ASB18: variants seen among roughly 807,000 people sequenced by gnomAD.
ASB18 encodes the protein ankyrin repeat and SOCS box protein 18.
A neutral mutation model predicts 33.4 loss-of-function variants in ASB18; 33 were observed. The observed-to-expected ratio is 0.99, with a 90% CI of 0.75 to 1.32. The LOEUF is 1.32. ASB18 is among the 40% of genes most tolerant of loss of function. The pLI, the probability that ASB18 is intolerant of heterozygous loss-of-function variation, is 0.00. For missense variants in ASB18, 694 were observed against 655.5 expected (o/e 1.06, Z -0.64); for synonymous variants, 295 against 307.6 (o/e 0.96, Z 0.43).
intron 1 of ASB18, among the ~76,000 whole-genome samples, chr2:236,258,645 C>T (rs2060704053): frequency 6.6e-6 from 1 of 152,116 alleles, no homozygotes; most frequent in African/African-American, 2.4e-5. Context: ...GGGATATGGC[C>T]CATGTGTCAT....
In ASB18 at chr2:236,251,212, C is replaced by A. The variant is rs952462186; in HGVS notation, c.206-9810G>T. ...TTTTGGAAGCTCAGAAACAAAGATG[C>A]CCTTGAACACCGTGTATCCGCTGTG... On this transcript the variant is annotated intron_variant, in intron 1 of 5. Transcript: ENST00000409749. The surrounding 1 kb of genome is among the most constrained non-coding windows in gnomAD (Gnocchi z 5.3). Among the ~76,000 whole-genome samples the A allele has an allele frequency of 6.6e-6, 1 of 152,166 alleles. No individual in the cohort carries two copies. The highest frequency in any genetic ancestry group is 2.4e-5 in the African/African-American group (1 of 41,442).
Position 236,248,346 on chromosome 2 carries a change from A to G in ASB18, c.206-6944T>C, listed in dbSNP as rs111316729. ...GGTGGCTCATGCCTGTAATCCCAGC[A>G]CTTTAGGAGGCTGAGGCAGGTGGAT... On this transcript the variant is annotated intron_variant, in intron 1 of 5. Transcript: ENST00000409749. The surrounding 1 kb of genome is among the most constrained non-coding windows in gnomAD (Gnocchi z 4.9). The G allele has an allele frequency of 5.4e-3, 815 of 152,256 alleles. 7 individuals carry two copies. Among genetic ancestry groups the G allele is most frequent in the Non-Finnish European group, 7.9e-3 (538 of 68,044 alleles). The allele number at this position is 152,256 out of a possible 1,614,324, so 9.4% of individuals were successfully genotyped here.
chr2:236,225,860 G>A lies in ASB18; in HGVS notation c.597-10994C>T, dbSNP rs1401914948. Among the ~76,000 whole-genome samples, 2 of 151,936 alleles carry A rather than the reference G, an allele frequency of 1.3e-5. No individual in the cohort carries two copies. Among genetic ancestry groups the A allele is most frequent in the Non-Finnish European group, 2.9e-5 (2 of 68,022 alleles). The stretch of plus-strand genomic sequence containing the variant: ...GGTTTTAAAGTCCTGTGCCCATGGC[G>A]AATTGCCAACTAAAAGGGGATGGAG... On this transcript the variant is annotated intron_variant, in intron 3 of 5. Coordinates refer to ENST00000409749, the MANE Select transcript of ASB18 (RefSeq NM_212556.4). This position sits in a 1 kb window ranked among gnomAD's most constrained non-coding sequence, Gnocchi z 5.1.
At position 236,241,392 on chromosome 2, in the gene ASB18, G is replaced by A; in HGVS notation, c.216C>T (p.Asp72=). 4 of 1,613,970 alleles carry A rather than the reference G, an allele frequency of 2.5e-6. No homozygotes were observed. Among genetic ancestry groups the A allele is most frequent in the Non-Finnish European group, 3.4e-6 (4 of 1,179,880 alleles). Residue 72 remains aspartate, a synonymous_variant, in exon 2 of 6, where the codon GAC becomes GAT. Coordinates refer to ENST00000409749, the MANE Select transcript of ASB18 (RefSeq NM_212556.4). This position sits in a 1 kb window ranked among gnomAD's most constrained non-coding sequence, Gnocchi z 4.2. ...LPTGMLLGDL[D]HLKPLMDQFF... is the part of the protein sequence containing the mutation. ...ACTGGTCCATGAGGGGCTTCAGATG[G>A]TCGAGGTCCCCTGCGACCAGGGCAG... is the stretch of plus-strand genomic sequence containing the variant.
chr2:236,217,593 G>A lies in ASB18; in HGVS notation c.597-2727C>T, dbSNP rs898865578. On this transcript the variant is annotated intron_variant, in intron 3 of 5. Transcript: ENST00000409749. The surrounding 1 kb of genome is among the most constrained non-coding windows in gnomAD (Gnocchi z 5.2). The stretch of plus-strand genomic sequence containing the variant: ...TCTTTCAGCTTTTCTTTATATTGCC[G>A]CTGCTTTTCCTACTATATTAACCTA... Among the ~76,000 whole-genome samples the A allele has an allele frequency of 2.0e-5, 3 of 152,088 alleles. No individual in the cohort carries two copies. The highest frequency in any genetic ancestry group is 1.9e-4 in the East Asian group (1 of 5,156).
At position 236,237,918 on chromosome 2, in the gene ASB18, G is replaced by A; in HGVS notation, c.367C>T (p.Pro123Ser). The change falls in exon 3 of 6, where the codon CCC (proline) becomes TCC (serine). Residue 123 changes from proline (P) to serine (S), a missense_variant. Coordinates refer to ENST00000409749, the MANE Select transcript of ASB18 (RefSeq NM_212556.4). This position sits in a 1 kb window ranked among gnomAD's most constrained non-coding sequence, Gnocchi z 6.2. ...CCGTGGGCCGCGGCGATGCACAGGGGCGTGGTGAGCTCACGCTTGTACTCC... is the reference window on the plus strand; with the variant it reads ...CCGTGGGCCGCGGCGATGCACAGGGACGTGGTGAGCTCACGCTTGTACTCC... ...TLEYKRELTT[P>S]LCIAAAHGHT... 1.3e-6 allele frequency: 2 copies of A among 1,505,888 alleles called. No homozygotes were observed. Among genetic ancestry groups the A allele is most frequent in the Non-Finnish European group, 1.8e-6 (2 of 1,133,538 alleles). The allele number at this position is 1,505,888 out of a possible 1,614,324, so 93.3% of individuals were successfully genotyped here.
Position 236,215,818 on chromosome 2 carries a change from T to G in ASB18, c.597-952A>C, listed in dbSNP as rs1023372740. ...CCCCAACTTCAGCCACCTGCTCCCA[T>G]AGTCACCTGCCATCGATAAGGCCGC... On this transcript the variant is annotated intron_variant, in intron 3 of 5. Coordinates refer to ENST00000409749, the MANE Select transcript of ASB18 (RefSeq NM_212556.4). The surrounding 1 kb of genome is among the most constrained non-coding windows in gnomAD (Gnocchi z 7.2). 6.6e-6 allele frequency among the ~76,000 whole-genome samples: 1 copy of G among 152,126 alleles called. No homozygotes were observed. The highest frequency in any genetic ancestry group is 6.5e-5 in the Admixed American group (1 of 15,276).
chr2:236,197,370 T>C (rs2060379119), intron 4 of ASB18, among the ~76,000 whole-genome samples: 1 of 152,232 alleles, frequency 6.6e-6, no homozygotes, highest in Admixed American at 6.5e-5. Context: ...TGCTGTGATG[T>C]ATTTTTAGAT....
chr2:236,237,843 C>A lies in ASB18; in HGVS notation c.442G>T (p.Ala148Ser). Reference protein sequence around the residue: ...HLLGRGADPDASPGGRGALHE... With the variant: ...HLLGRGADPDSSPGGRGALHE... The stretch of plus-strand genomic sequence containing the variant: ...AGGGCGCCGCGGCCGCCGGGGCTGG[C>A]GTCTGGGTCTGCGCCGCGGCCGAGC... Residue 148 changes from alanine to serine, a missense_variant, in exon 3 of 6, where the codon GCC becomes TCC. Coordinates refer to ENST00000409749, the MANE Select transcript of ASB18 (RefSeq NM_212556.4). The surrounding 1 kb of genome is among the most constrained non-coding windows in gnomAD (Gnocchi z 6.2). 2 of 1,401,452 alleles carry A rather than the reference C, an allele frequency of 1.4e-6. No homozygotes were observed. Among genetic ancestry groups the A allele is most frequent in the South Asian group, 1.6e-5 (1 of 63,752 alleles). 86.8% of individuals were successfully genotyped at this position (1,401,452 alleles called of 1,614,324 possible). A position where few individuals can be genotyped will look rare whatever the true frequency, so the allele number is the denominator to read the frequency against.
At chr2:236,240,603 T>C (rs564919560) in intron 2 of ASB18, among the ~76,000 whole-genome samples, 4 of 152,002 alleles carry the variant, frequency 2.6e-5, no homozygotes, top group Non-Finnish European at 5.9e-5. Context: ...AGATGCAGCA[T>C]GGTGGTCAGC....
At position 236,202,810 on chromosome 2, in the gene ASB18, T is replaced by TAC. The variant is rs1245912837; in HGVS notation, c.1102-6426_1102-6425insGT. ...AAAAAAAAAAATATATATATATATA[T>TAC]ATATACACACACCTATAGTTCTCTA... On this transcript the variant is annotated intron_variant, in intron 4 of 5. Coordinates refer to ENST00000409749, the MANE Select transcript of ASB18 (RefSeq NM_212556.4). Among the ~76,000 whole-genome samples the TAC allele has an allele frequency of 3.4e-5, 4 of 117,564 alleles. 1 individual carries two copies. Among genetic ancestry groups the TAC allele is most frequent in the African/African-American group, 9.7e-5 (3 of 31,050 alleles). The allele number at this position is 117,564 out of a possible 152,430, so 77.1% of individuals were successfully genotyped here. A position where few individuals can be genotyped will look rare whatever the true frequency, so the allele number is the denominator to read the frequency against.
rs576252267 is a variant in ASB18 at position 236,220,702 on chromosome 2, A to G, written c.597-5836T>C. On this transcript the variant is annotated intron_variant, in intron 3 of 5. Coordinates refer to ENST00000409749, the MANE Select transcript of ASB18 (RefSeq NM_212556.4). The surrounding 1 kb of genome is among the most constrained non-coding windows in gnomAD (Gnocchi z 5.1). ...GGCAAAGCAGAGGTCTCGTTGCTTCATGAGGCTTCCCACTGTCAGTCACAC... is the reference window on the plus strand; with the variant it reads ...GGCAAAGCAGAGGTCTCGTTGCTTCGTGAGGCTTCCCACTGTCAGTCACAC... Among the ~76,000 whole-genome samples the G allele has an allele frequency of 2.0e-5, 3 of 152,146 alleles. No individual in the cohort carries two copies. The highest frequency in any genetic ancestry group is 4.4e-5 in the Non-Finnish European group (3 of 68,040).
rs1869333 is a variant in ASB18 at position 236,259,297 on chromosome 2, A to G, written c.205+4844T>C. 0.01 allele frequency among the ~76,000 whole-genome samples: 1,574 copies of G among 152,352 alleles called. 24 individuals are homozygous for G. Among genetic ancestry groups the G allele is most frequent in the African/African-American group, 0.036 (1,501 of 41,578 alleles). On this transcript the variant is annotated intron_variant, in intron 1 of 5. Transcript: ENST00000409749. This position sits in a 1 kb window ranked among gnomAD's most constrained non-coding sequence, Gnocchi z 4.4. Reference sequence around the variant, plus strand: ...GTGAGCAAAGGAGCTTAGCTCTTCCATGCCAATCACTGCACCCAGAGTCCA... The same window carrying G: ...GTGAGCAAAGGAGCTTAGCTCTTCCGTGCCAATCACTGCACCCAGAGTCCA...
intron 1 of ASB18, chr2:236,247,358 T>C (rs1173719510): frequency 6.6e-6 from 1 of 152,168 alleles, no homozygotes; most frequent in Non-Finnish European, 1.5e-5. Flanking sequence ...TATTATGTTT[T>C]AGGGTGAATC....
In ASB18 at chr2:236,229,410, A is replaced by G. The variant is rs917542243; in HGVS notation, c.596+8279T>C. Among the ~76,000 whole-genome samples the G allele has an allele frequency of 3.5e-4, 54 of 152,176 alleles. No individual in the cohort carries two copies. The highest frequency in any genetic ancestry group is 1.2e-3 in the African/African-American group (51 of 41,454). ...TCTTAAGTGGCATAGTATATGTATA[A>G]TTGGAGTCCCTGAAGGAGAGTACTG... On this transcript the variant is annotated intron_variant, in intron 3 of 5. Coordinates refer to ENST00000409749, the MANE Select transcript of ASB18 (RefSeq NM_212556.4). This position sits in a 1 kb window ranked among gnomAD's most constrained non-coding sequence, Gnocchi z 5.2.
rs2060727883 is a variant in ASB18, at chr2:236,263,225, T to C, written c.205+916A>G. Among the ~76,000 whole-genome samples, 1 of 152,200 alleles carries C rather than the reference T, an allele frequency of 6.6e-6. No homozygotes were observed. Among genetic ancestry groups the C allele is most frequent in the Non-Finnish European group, 1.5e-5 (1 of 68,036 alleles). On this transcript the variant is annotated intron_variant, in intron 1 of 5. Transcript: ENST00000409749. The surrounding 1 kb of genome is among the most constrained non-coding windows in gnomAD (Gnocchi z 4.0). ...CCTAACAAAGGGATGATGTCTATGT[T>C]ACGTGAAGAAGTCCTACAAAATGAT...
intron 1 of ASB18, chr2:236,247,718 A>G (rs1483136422): frequency 6.6e-6 from 1 of 152,226 alleles, no homozygotes; most frequent in Non-Finnish European, 1.5e-5. Flanking sequence ...TTTAGTACGT[A>G]TCCAATGCAA....
rs1050217645 is a variant in ASB18 at position 236,203,405 on chromosome 2, T to G, written c.1102-7020A>C. Among the ~76,000 whole-genome samples the G allele has an allele frequency of 1.5e-4, 23 of 151,862 alleles. No homozygotes were observed. The highest frequency in any genetic ancestry group is 4.8e-4 in the African/African-American group (20 of 41,318). On this transcript the variant is annotated intron_variant, in intron 4 of 5. Coordinates refer to ENST00000409749, the MANE Select transcript of ASB18 (RefSeq NM_212556.4). This position sits in a 1 kb window ranked among gnomAD's most constrained non-coding sequence, Gnocchi z 6.0. ...GGTTTGGGAGGTGAGAAGGAGCAAA[T>G]AATGTTGGCTGGGGCATGAGTCTGA...
Position 236,237,271 on chromosome 2 carries a change from C to A in ASB18, c.596+418G>T, listed in dbSNP as rs1191229407. 6.6e-6 allele frequency among the ~76,000 whole-genome samples: 1 copy of A among 151,880 alleles called. No homozygotes were observed. Among genetic ancestry groups the A allele is most frequent in the Non-Finnish European group, 1.5e-5 (1 of 67,952 alleles). ...GGCGCCGGCGGCTGGGCTGTGATCA[C>A]CGCGCTCATTACCTCGGCGTGGCGC... On this transcript the variant is annotated intron_variant, in intron 3 of 5. Coordinates refer to ENST00000409749, the MANE Select transcript of ASB18 (RefSeq NM_212556.4). This position sits in a 1 kb window ranked among gnomAD's most constrained non-coding sequence, Gnocchi z 6.2.
Sources: gnomAD v4.1 joint callset for allele counts (sites outside exome capture counted in the v4.1 genomes callset) on GRCh38, gnomAD v4.1.1 for gene constraint, Gnocchi (gnomAD v3.1) non-coding constraint, MANE v1.5 for transcripts, NCBI Gene and HGNC (gene_info 2026-07-23, HGNC 2026-07-21) for gene names.